Variants in DLG1 observed in about 807,000 individuals in gnomAD.
DLG1 encodes the protein disks large homolog 1.
Under a neutral mutation model 123.4 loss-of-function variants are expected in DLG1, and 42 were observed. That is an observed-to-expected ratio of 0.34 (90% CI 0.27 to 0.44). The LOEUF (loss-of-function observed/expected upper bound fraction) is 0.44. DLG1 is among the 20% of genes least tolerant of loss of function. DLG1 has a pLI of 1.00. For missense variants in DLG1, 942 were observed against 1,082.6 expected (o/e 0.87, Z 1.82); for synonymous variants, 317 against 356.2 (o/e 0.89, Z 1.24).
At chr3:197,102,514 AC>A (rs1484075530) in intron 14 of DLG1, among the ~76,000 whole-genome samples, 13 of 152,190 alleles carry the variant, frequency 8.5e-5, no homozygotes, top group African/African-American at 3.1e-4. Context: ...CGTGTAGCTA[AC>A]CTGTTACTAA....
At chr3:197,205,317 C>T (rs1031269497) in intron 4 of DLG1, among the ~76,000 whole-genome samples, 2 of 151,830 alleles carry the variant, frequency 1.3e-5, no homozygotes, top group African/African-American at 4.8e-5. Context: ...GAAAGGACAA[C>T]ATTCTAAAAA....
chr3:197,135,838 C>T (rs978465844), intron 10 of DLG1, among the ~76,000 whole-genome samples: 6 of 149,528 alleles, frequency 4.0e-5, no homozygotes, highest in Admixed American at 6.6e-5. Flanking sequence ...TTGAGATGGG[C>T]TTTCACTCTG....
At chr3:197,106,143 C>T (rs1766198839) in intron 13 of DLG1, among the ~76,000 whole-genome samples, 1 of 152,150 alleles carries the variant, frequency 6.6e-6, no homozygotes, top group African/African-American at 2.4e-5. Flanking sequence ...TGGTGGCTCA[C>T]ACCTGTTATC....
intron 3 of DLG1, among the ~76,000 whole-genome samples, chr3:197,283,233 C>T (rs1393622239): frequency 6.6e-6 from 1 of 152,174 alleles, no homozygotes; most frequent in Non-Finnish European, 1.5e-5. Flanking sequence ...AGGCTCCTAA[C>T]AGATGGTAGC....
At chr3:197,170,327 A>AC in intron 5 of DLG1, among the ~76,000 whole-genome samples, 1 of 152,326 alleles carries the variant, frequency 6.6e-6, no homozygotes, top group Non-Finnish European at 1.5e-5. Context: ...TCTCTGAGGA[A>AC]CCACCACATT....
intron 15 of DLG1, among the ~76,000 whole-genome samples, chr3:197,089,227 T>C (rs575204330): frequency 6.6e-6 from 1 of 152,164 alleles, no homozygotes; most frequent in South Asian, 2.1e-4. Context: ...TTAGATAATA[T>C]ATGGTTTTAA....
intron 17 of DLG1, 101 bp from the exon 18 acceptor site, chr3:197,076,786 G>T: frequency 1.5e-6 from 1 of 671,700 alleles, no homozygotes. Flanking sequence ...TATGACCACA[G>T]TGTGCAGTTT....
At chr3:197,151,490 A>G (rs1416908895) in intron 5 of DLG1, among the ~76,000 whole-genome samples, 1 of 152,220 alleles carries the variant, frequency 6.6e-6, no homozygotes, top group Non-Finnish European at 1.5e-5. Context: ...ATAAGGTGTT[A>G]TATTTACTTC....
intron 5 of DLG1, among the ~76,000 whole-genome samples, chr3:197,155,641 T>C (rs1365469277): frequency 6.6e-6 from 1 of 151,444 alleles, no homozygotes; most frequent in Non-Finnish European, 1.5e-5. Context: ...AAAAAAAACT[T>C]AGCCTAGCCA....
At chr3:197,089,750 G>C (rs986357650) in intron 15 of DLG1, among the ~76,000 whole-genome samples, 2 of 151,878 alleles carry the variant, frequency 1.3e-5, no homozygotes, top group Non-Finnish European at 2.9e-5. Context: ...AAAGAGAGTA[G>C]AAAAATCCAT....
At chr3:197,219,550 T>C (rs1022849882) in intron 4 of DLG1, among the ~76,000 whole-genome samples, 3 of 152,194 alleles carry the variant, frequency 2.0e-5, no homozygotes, top group African/African-American at 4.8e-5. Flanking sequence ...GGCTGAATTA[T>C]GTCCCCCGCC....
chr3:197,258,340 T>C (rs561780613), intron 4 of DLG1, among the ~76,000 whole-genome samples: 2 of 149,926 alleles, frequency 1.3e-5, no homozygotes, highest in East Asian at 2.0e-4. Context: ...TCAGTAGCAG[T>C]GATGGTTTAG....
intron 4 of DLG1, among the ~76,000 whole-genome samples, chr3:197,259,528 T>C (rs1758405051): frequency 6.6e-6 from 1 of 152,218 alleles, no homozygotes; most frequent in Admixed American, 6.5e-5. Flanking sequence ...TAGCAATCAC[T>C]ATGAGACATC....
chr3:197,167,962 T>C (rs1802241857), intron 5 of DLG1, among the ~76,000 whole-genome samples: 1 of 152,242 alleles, frequency 6.6e-6, no homozygotes, highest in Non-Finnish European at 1.5e-5. Context: ...AATAGGATAA[T>C]AGCTGATTAA....
At position 197,043,293 on chromosome 3, in the gene DLG1, G is replaced by A. The variant is rs1721160316; in HGVS notation, c.*1330C>T. ...TAATAAAAGGAGAACTAGAAGGAAA[G>A]GGCAAGGACCAAAATCAAACCTGAT... On this transcript the variant is annotated 3_prime_UTR_variant, in exon 25 of 25. Transcript: ENST00000667157. The A allele has an allele frequency of 6.6e-6, 1 of 152,072 alleles. No individual in the cohort carries two copies. The highest frequency in any genetic ancestry group is 1.5e-5 in the Non-Finnish European group (1 of 68,002). 9.4% of individuals were successfully genotyped at this position (152,072 alleles called of 1,614,324 possible).
rs771831511 is a variant in DLG1 at position 197,140,276 on chromosome 3, A to G, written c.589-12T>C. The G allele has an allele frequency of 1.9e-6, 3 of 1,610,392 alleles. No homozygotes were observed. Among genetic ancestry groups the G allele is most frequent in the Non-Finnish European group, 1.7e-6 (2 of 1,178,604 alleles). ...AGCCCTGAATTTCCCTGAGGATAGA[A>G]GAAAAAAAATTGAGACTGAATATGA... is the stretch of plus-strand genomic sequence containing the variant. On this transcript the variant is annotated splice_polypyrimidine_tract_variant and intron_variant, in intron 7 of 24. Coordinates refer to ENST00000667157, the MANE Select transcript of DLG1 (RefSeq NM_001366207.1).
intron 4 of DLG1, among the ~76,000 whole-genome samples, chr3:197,255,840 TCTGGAGTA>T (rs1756604968): frequency 6.6e-6 from 1 of 152,108 alleles, no homozygotes; most frequent in Admixed American, 6.6e-5. Flanking sequence ...TGGGAGTCTT[TCTGGAGTA>T]CTGGAAATGT....
chr3:197,052,060 C>T lies in DLG1; in HGVS notation c.2484-392G>A, dbSNP rs1378045915. Among the ~76,000 whole-genome samples, 8 of 151,874 alleles carry T rather than the reference C, an allele frequency of 5.3e-5. No homozygotes were observed. In the East Asian group the frequency reaches 5.8e-4, roughly 11 times the overall value. On this transcript the variant is annotated intron_variant, in intron 23 of 24. Coordinates refer to ENST00000667157, the MANE Select transcript of DLG1 (RefSeq NM_001366207.1). ...TTCACCAAGTTGGGCAGGCTGGTCC[C>T]GAACTCCTGACCCCAGGTAATCTGC...
At chr3:197,235,963 C>T (rs893249531) in intron 4 of DLG1, among the ~76,000 whole-genome samples, 3 of 152,040 alleles carry the variant, frequency 2.0e-5, no homozygotes, top group African/African-American at 7.2e-5. Context: ...AGGTTTTAAA[C>T]GTGCTGGGAA....
Sources: allele counts gnomAD v4.1 joint callset (sites outside exome capture counted in the v4.1 genomes callset), GRCh38; gene constraint gnomAD v4.1.1; transcripts MANE v1.5; gene names NCBI Gene and HGNC (gene_info 2026-07-23, HGNC 2026-07-21).